Variants in RAB27B observed in about 807,000 individuals in gnomAD.
RAB27B encodes ras-related protein Rab-27B.
In RAB27B, 15 loss-of-function variants were observed where a neutral mutation model predicts 24.6. The observed-to-expected ratio is 0.61, with a 90% CI of 0.41 to 0.94. The LOEUF is 0.94. Ranked by LOEUF, RAB27B falls within the 40% of genes least tolerant of loss-of-function variation. The pLI is 0.00. For missense variants in RAB27B, 261 were observed against 266.8 expected, an observed-to-expected ratio of 0.98 and a Z score of 0.15; for synonymous variants, 105 against 92.5, an observed-to-expected ratio of 1.14 and a Z score of -0.78.
intron 1 of RAB27B, among the ~76,000 whole-genome samples, chr18:54,861,707 A>C (rs528905139): frequency 6.6e-6 from 1 of 152,322 alleles, no homozygotes; most frequent in South Asian, 2.1e-4. Context: ...AAAGGTACAC[A>C]TGCTTTTGTC....
Position 54,788,059 on chromosome 18 carries a change from G to A in RAB27B, c.-20+69918G>A, listed in dbSNP as rs75373226. Among the ~76,000 whole-genome samples, 692 of 152,254 alleles carry A rather than the reference G, an allele frequency of 4.5e-3. 8 individuals are homozygous for A. The highest frequency in any genetic ancestry group is 0.016 in the African/African-American group (654 of 41,540). On this transcript the variant is annotated intron_variant, in intron 2 of 4. Transcript: ENST00000586570. Reference sequence around the variant, plus strand: ...CCAGTTATGTACATCAATGTTTTTGGTATATCTCTTCCTGTGTCCCTCCTT... The same window carrying A: ...CCAGTTATGTACATCAATGTTTTTGATATATCTCTTCCTGTGTCCCTCCTT...
chr18:54,747,651 A>T (rs1012855130), intron 2 of RAB27B, among the ~76,000 whole-genome samples: 1 of 152,162 alleles, frequency 6.6e-6, no homozygotes, highest in Non-Finnish European at 1.5e-5. Context: ...ATATGAGTTC[A>T]TTTAAATTCT....
intron 2 of RAB27B, among the ~76,000 whole-genome samples, chr18:54,820,803 A>T (rs1450875912): frequency 6.6e-6 from 1 of 152,234 alleles, no homozygotes; most frequent in Non-Finnish European, 1.5e-5. Context: ...ATAAGGTGTA[A>T]GGAAGGGATC....
intron 1 of RAB27B, among the ~76,000 whole-genome samples, chr18:54,833,286 G>A (rs1910765038): frequency 7.2e-6 from 1 of 138,802 alleles, no homozygotes; most frequent in Non-Finnish European, 1.5e-5. Flanking sequence ...GAGTGCAATG[G>A]CACGATCTCA....
Position 54,895,420 on chromosome 18 carries a change from A to AT in RAB27B, c.*6013dup, listed in dbSNP as rs35598847. On this transcript the variant is annotated 3_prime_UTR_variant, in exon 6 of 6. Coordinates refer to ENST00000262094, the MANE Select transcript of RAB27B (RefSeq NM_004163.4). ...GCTTCAGAAATCATAGCATCCAATGATTTTTTGGTGTCTGGCTATGAATAC... is the reference window on the plus strand; with the variant it reads ...GCTTCAGAAATCATAGCATCCAATGATTTTTTTGGTGTCTGGCTATGAATAC... The AT allele has an allele frequency of 1.3e-5, 2 of 152,082 alleles. No homozygotes were observed. The highest frequency in any genetic ancestry group is 2.1e-4 in the South Asian group (1 of 4,828). 9.4% of individuals were successfully genotyped at this position (152,082 alleles called of 1,614,324 possible). A position where few individuals can be genotyped will look rare whatever the true frequency, so the allele number is the denominator to read the frequency against.
At chr18:54,803,882 T>C (rs1909686739) in intron 2 of RAB27B, among the ~76,000 whole-genome samples, 1 of 152,182 alleles carries the variant, frequency 6.6e-6, no homozygotes, top group Non-Finnish European at 1.5e-5. Context: ...AAGTTTGGAA[T>C]TTCTAGTGGT....
At chr18:54,836,724 A>T (rs1288243353) in intron 1 of RAB27B, among the ~76,000 whole-genome samples, 2 of 151,942 alleles carry the variant, frequency 1.3e-5, no homozygotes, top group Non-Finnish European at 2.9e-5. Flanking sequence ...AAATCGGAGG[A>T]TTTAAACATA....
At chr18:54,887,906 C>G in intron 4 of RAB27B, 89 bp from the exon 5 acceptor site, 1 of 1,461,590 alleles carries the variant, frequency 6.8e-7, no homozygotes, top group Non-Finnish European at 9.3e-7. Context: ...TGGAGATAAG[C>G]AATTAGATCA....
chr18:54,726,072 A>G (rs1033399669), intron 2 of RAB27B, among the ~76,000 whole-genome samples: 3 of 151,584 alleles, frequency 2.0e-5, no homozygotes, highest in Non-Finnish European at 4.4e-5. Flanking sequence ...TTCACTTTAC[A>G]TGAAACAGAC....
intron 1 of RAB27B, among the ~76,000 whole-genome samples, chr18:54,850,674 TA>T (rs1221602235): frequency 2.6e-5 from 4 of 151,552 alleles, no homozygotes; most frequent in Non-Finnish European, 4.4e-5. Flanking sequence ...CTTCAGAATG[TA>T]TTTTTTTGCC....
At chr18:54,799,841 G>A (rs1267867971) in intron 2 of RAB27B, among the ~76,000 whole-genome samples, 2 of 151,934 alleles carry the variant, frequency 1.3e-5, no homozygotes, top group African/African-American at 2.4e-5. Context: ...GTGTTAGCCA[G>A]GATAGTCTGT....
At chr18:54,879,773 TTA>T in intron 3 of RAB27B, 1 of 233,120 alleles carries the variant, frequency 4.3e-6, no homozygotes, top group Middle Eastern at 1.6e-3. Flanking sequence ...ATTAACGCCG[TTA>T]TAAGTGCTAC....
chr18:54,884,387 G>A lies in RAB27B; in HGVS notation c.294G>A (p.Met98Ile). ...FFRDAMGFLL[M>I]FDLTSQQSFL... ...GAGACGCCATGGGCTTCTTATTAAT[G>A]TTTGACCTCACCAGTCAACAGAGCT... The change falls in exon 4 of 6, where the codon ATG becomes ATA. Residue 98 changes from methionine (M) to isoleucine (I), a missense_variant. Transcript: ENST00000262094. 2 of 1,612,986 alleles carry A rather than the reference G, an allele frequency of 1.2e-6. No individual in the cohort carries two copies.
intron 2 of RAB27B, among the ~76,000 whole-genome samples, chr18:54,782,912 G>A (rs1175019983): frequency 6.6e-6 from 1 of 151,934 alleles, no homozygotes; most frequent in East Asian, 1.9e-4. Context: ...CAATGGTGGG[G>A]TCATTATGGA....
At chr18:54,852,542 A>G (rs572478981) in intron 1 of RAB27B, among the ~76,000 whole-genome samples, 6 of 152,356 alleles carry the variant, frequency 3.9e-5, no homozygotes, top group African/African-American at 1.4e-4. Context: ...GAACCAATCA[A>G]GAGAAACCAA....
intron 2 of RAB27B, among the ~76,000 whole-genome samples, chr18:54,809,734 G>T (rs1909904486): frequency 6.6e-6 from 1 of 152,090 alleles, no homozygotes; most frequent in Non-Finnish European, 1.5e-5. Flanking sequence ...CATTTATTGA[G>T]AATCCACCTA....
chr18:54,884,205 A>T (rs1913038526), intron 3 of RAB27B, 128 bp from the exon 4 acceptor site: 4 of 572,926 alleles, frequency 7.0e-6, no homozygotes, highest in African/African-American at 1.9e-5. Flanking sequence ...CCACATTCCC[A>T]TTTCCCTAAG....
intron 1 of RAB27B, among the ~76,000 whole-genome samples, chr18:54,870,105 G>A (rs555366139): frequency 4.6e-5 from 7 of 152,048 alleles, no homozygotes; most frequent in African/African-American, 2.4e-5. Context: ...AACATTTTAC[G>A]TTCTATGAAG....
intron 2 of RAB27B, among the ~76,000 whole-genome samples, chr18:54,788,234 G>A (rs1450045560): frequency 6.6e-6 from 1 of 152,204 alleles, no homozygotes; most frequent in East Asian, 1.9e-4. Context: ...ATATTTGTAT[G>A]AGTAATTGCT....
Sources: gnomAD v4.1 joint callset for allele counts (sites outside exome capture counted in the v4.1 genomes callset) on GRCh38, gnomAD v4.1.1 for gene constraint, MANE v1.5 for transcripts, NCBI Gene and HGNC (gene_info 2026-07-23, HGNC 2026-07-21) for gene names.